Variants in APOL3 observed in about 807,000 individuals in gnomAD.
The protein encoded by APOL3 is apolipoprotein L3.
A neutral mutation model predicts 11.6 loss-of-function variants in APOL3; 14 were observed. The ratio of observed to expected loss-of-function variants is 1.21; its 90% confidence interval spans 0.80 to 1.89. The LOEUF (loss-of-function observed/expected upper bound fraction) is 1.89. Ranked by LOEUF, APOL3 falls within the 40% of genes most tolerant of loss-of-function variation. APOL3 has a pLI of 0.00. For missense variants in APOL3, 483 were observed against 492.1 expected (o/e 0.98, Z 0.17); for synonymous variants, 192 against 190.6 (o/e 1.01, Z -0.06).
chr22:36,157,470 T>A (rs2146885286), intron 1 of APOL3, among the ~76,000 whole-genome samples: 1 of 152,226 alleles, frequency 6.6e-6, no homozygotes, highest in African/African-American at 2.4e-5. Flanking sequence ...CCCAAAGGGA[T>A]CTAAGTGTAC....
chr22:36,156,098 A>G, intron 1 of APOL3: 1 of 169,976 alleles, frequency 5.9e-6, no homozygotes. Context: ...AGGAATCTTT[A>G]TTTTTATTTT....
intron 1 of APOL3, among the ~76,000 whole-genome samples, chr22:36,145,980 T>TTCCCTCTCTCTCTCTC (rs2060191948): frequency 8.4e-6 from 1 of 118,710 alleles, no homozygotes; most frequent in Non-Finnish European, 1.7e-5. Flanking sequence ...CTGTCTCTCT[T>TTCCCTCTCTCTCTCTC]TCTCTCTCTC....
exon 3 of APOL3, chr22:36,141,953 A>G: frequency 6.2e-7 from 1 of 1,614,180 alleles, no homozygotes; most frequent in East Asian, 2.2e-5. Context: ...ACTCTTTCAA[A>G]AACCATTCCC....
exon 3 of APOL3, chr22:36,141,687 T>G (rs370248101): frequency 1.1e-4 from 171 of 1,614,072 alleles, no homozygotes; most frequent in Non-Finnish European, 1.3e-4. Context: ...GTATGAGTGC[T>G]CCACGATGCT....
chr22:36,149,451 G>A lies in APOL3; in HGVS notation c.224-3852C>T, dbSNP rs529326385. 1,288 of 1,215,620 alleles carry A rather than the reference G, an allele frequency of 1.1e-3. 5 individuals are homozygous for A. The highest frequency in any genetic ancestry group is 1.3e-3 in the Non-Finnish European group (1,170 of 911,306). The allele number at this position is 1,215,620 out of a possible 1,614,324, so 75.3% of individuals were successfully genotyped here. A position where few individuals can be genotyped will look rare whatever the true frequency, so the allele number is the denominator to read the frequency against. On this transcript the variant is annotated intron_variant, in intron 1 of 2. Transcript: ENST00000349314. ...ACAGAAACTACAGAGTCTATACACC[G>A]AAATAGAGATGGGAAGGAACGTTCT...
At chr22:36,143,569 T>C (rs567107055) in intron 2 of APOL3, among the ~76,000 whole-genome samples, 2 of 152,336 alleles carry the variant, frequency 1.3e-5, no homozygotes, top group East Asian at 3.9e-4. Flanking sequence ...TTGCCTGGCA[T>C]GTTCTCTCTT....
Position 36,151,783 on chromosome 22 carries a change from T to A in APOL3, c.224-6184A>T, listed in dbSNP as rs185658906. Among the ~76,000 whole-genome samples the A allele has an allele frequency of 1.1e-4, 16 of 152,234 alleles. No homozygotes were observed. In the East Asian group the frequency reaches 2.7e-3, roughly 26 times the overall value. On this transcript the variant is annotated intron_variant, in intron 1 of 2. Coordinates refer to ENST00000349314, the Ensembl canonical transcript of APOL3. ...GTATGGGCCACATAGTGACACCCCA[T>A]CATTACAAAGAATACAAAAATGAAC...
At chr22:36,149,881 G>A (rs1231687922) in intron 1 of APOL3, 2 of 456,178 alleles carry the variant, frequency 4.4e-6, no homozygotes, top group Non-Finnish European at 8.8e-6. Context: ...TGTCCCCCTT[G>A]CTTCTGCCTG....
chr22:36,144,309 C>T (rs898548341), intron 2 of APOL3, among the ~76,000 whole-genome samples: 1 of 152,198 alleles, frequency 6.6e-6, no homozygotes, highest in Non-Finnish European at 1.5e-5. Context: ...ACCCCTGCCC[C>T]ATCCTGACCC....
At chr22:36,160,809 G>A (rs1436358106) in exon 1 of APOL3, 1 of 1,613,494 alleles carries the variant, frequency 6.2e-7, no homozygotes, top group African/African-American at 1.3e-5. Context: ...AAAAGGGAAA[G>A]TGAAAGTCAC....
At position 36,145,618 on chromosome 22, in the gene APOL3, C is replaced by T. The variant is rs373841148; in HGVS notation, c.224-19G>A. The T allele has an allele frequency of 7.4e-6, 12 of 1,612,054 alleles. No individual in the cohort carries two copies. The highest frequency in any genetic ancestry group is 5.3e-5 in the African/African-American group (4 of 74,808). ...TTCTTTTCTACTTGGAAACAAAAAGCATAAGATTGGAAGAAAGTGTGCTAC... is the reference window on the plus strand; with the variant it reads ...TTCTTTTCTACTTGGAAACAAAAAGTATAAGATTGGAAGAAAGTGTGCTAC... On this transcript the variant is annotated intron_variant, in intron 1 of 2. Coordinates refer to ENST00000349314, the Ensembl canonical transcript of APOL3.
At chr22:36,148,951 C>T (rs1157109087) in intron 1 of APOL3, 95 bp downstream of exon 2, 17 of 1,225,130 alleles carry the variant, frequency 1.4e-5, no homozygotes, top group Admixed American at 5.7e-5. Flanking sequence ...CTTGACCATC[C>T]GGGTTCCTCT....
chr22:36,147,953 A>G (rs1157065861), intron 1 of APOL3, among the ~76,000 whole-genome samples: 5 of 152,238 alleles, frequency 3.3e-5, no homozygotes, highest in African/African-American at 7.2e-5. Flanking sequence ...TCGGCCAGTC[A>G]TGAGCAGCCA....
intron 1 of APOL3, among the ~76,000 whole-genome samples, chr22:36,153,576 C>T (rs980373931): frequency 1.9e-4 from 29 of 152,300 alleles, no homozygotes; most frequent in African/African-American, 6.0e-4. Flanking sequence ...GGAACCAAGA[C>T]GTCTTGTGGG....
chr22:36,145,980 T>TTCTCTCTCTCTCTCTCTCTCTC lies in APOL3; in HGVS notation c.224-403_224-382dup, dbSNP rs71193207. Reference sequence around the variant, plus strand: ...TCCAGCCCTCTCTCCCTGTCTCTCTTTCTCTCTCTCTCTCTCTCTCTCACA... The same window carrying TTCTCTCTCTCTCTCTCTCTCTC: ...TCCAGCCCTCTCTCCCTGTCTCTCTTTCTCTCTCTCTCTCTCTCTCTCTCTCTCTCTCTCTCTCTCTCTCACA... On this transcript the variant is annotated intron_variant, in intron 1 of 2. Transcript: ENST00000349314. 2.6e-3 allele frequency among the ~76,000 whole-genome samples: 305 copies of TTCTCTCTCTCTCTCTCTCTCTC among 118,560 alleles called. 1 individual carries two copies. The East Asian group carries it at 0.031, about 12-fold the overall frequency. 77.8% of individuals were successfully genotyped at this position (118,560 alleles called of 152,430 possible).
chr22:36,144,213 C>T (rs80579), intron 2 of APOL3, among the ~76,000 whole-genome samples: 1 of 151,786 alleles, frequency 6.6e-6, no homozygotes, highest in Admixed American at 6.6e-5. Flanking sequence ...GCCACGTTAC[C>T]TTTCATGCCC....
In APOL3 at chr22:36,141,611, A is replaced by G. The variant is rs140877914; in HGVS notation, c.798T>C (p.Phe266=). The G allele has an allele frequency of 2.1e-5, 34 of 1,614,210 alleles. No homozygotes were observed. In the African/African-American group the frequency reaches 4.1e-4, roughly 20 times the overall value. Residue 266 remains phenylalanine, a synonymous_variant, in exon 3 of 3, where the codon TTT becomes TTC. Transcript: ENST00000349314. ...GTGTGATGTCACGCATAACTTCCTT[A>G]AATACCTTCAATCGGTCAATGCTGG...
chr22:36,141,402 C>T, exon 3 of APOL3: 1 of 1,614,194 alleles, frequency 6.2e-7, no homozygotes, highest in Non-Finnish European at 8.5e-7. Context: ...GATCCGGGCT[C>T]CTCTGCTCAC....
chr22:36,161,858 T>TG (rs132657), upstream of APOL3, among the ~76,000 whole-genome samples: 2 of 151,512 alleles, frequency 1.3e-5, no homozygotes, highest in African/African-American at 2.4e-5. Context: ...GAGAAAAAGG[T>TG]GGGGGGGTGA....
Sources: allele counts gnomAD v4.1 joint callset (sites outside exome capture counted in the v4.1 genomes callset), GRCh38; gene constraint gnomAD v4.1.1; transcripts MANE v1.5; gene names NCBI Gene and HGNC (gene_info 2026-07-23, HGNC 2026-07-21).